Variants in MATN3 observed in about 807,000 individuals in gnomAD.
MATN3 encodes the protein matrilin-3.
In MATN3, 48 loss-of-function variants were observed where a neutral mutation model predicts 45.3. The ratio of observed to expected loss-of-function variants is 1.06; its 90% CI spans 0.84 to 1.35. The LOEUF (loss-of-function observed/expected upper bound fraction) is 1.35, where lower values mean the gene tolerates loss of function less well. Among genes scored for constraint, MATN3 ranks in the 40% most tolerant of loss-of-function variants. The pLI is 0.00. For synonymous variants in MATN3, 217 were observed against 245.9 expected, an observed-to-expected ratio of 0.88 and a Z score of 1.10; for missense variants, 599 against 628.0, an observed-to-expected ratio of 0.95 and a Z score of 0.49.
At position 20,002,123 on chromosome 2, in the gene MATN3, A is replaced by C. The variant is rs553076866; in HGVS notation, c.917-43T>G. The C allele has an allele frequency of 2.6e-6, 4 of 1,562,352 alleles. No individual in the cohort carries two copies. The South Asian group carries it at 4.6e-5, about 18-fold the overall frequency. On this transcript the variant is annotated intron_variant, in intron 3 of 7. Transcript: ENST00000407540. ...GGACAAATGTAAATGCATGCAGAGC[A>C]TGGCAGAAATAATTGTGGGCCACGC...
In MATN3 at chr2:20,006,219, A is replaced by G. The variant is rs1459380643; in HGVS notation, c.315T>C (p.Phe105=). The G allele has an allele frequency of 6.2e-7, 1 of 1,613,262 alleles. No individual in the cohort carries two copies. The highest frequency in any genetic ancestry group is 1.7e-5 in the Admixed American group (1 of 59,984). ...CCAGAGTGTCGATTATCCGGGAGACAAAAGTTTTCACTTTGGTGAATTCCA... is the reference window on the plus strand; with the variant it reads ...CCAGAGTGTCGATTATCCGGGAGACGAAAGTTTTCACTTTGGTGAATTCCA... The part of the protein sequence containing the change: ...RPLEFTKVKT[F]VSRIIDTLDI... The change falls in exon 2 of 8, where the codon TTT becomes TTC. Residue 105 remains phenylalanine, a synonymous_variant. Transcript: ENST00000407540.
intron 1 of MATN3, among the ~76,000 whole-genome samples, chr2:20,011,636 T>C (rs1214564292): frequency 6.6e-6 from 1 of 152,252 alleles, no homozygotes; most frequent in African/African-American, 2.4e-5. Flanking sequence ...CAATCTTATG[T>C]AAACCATATT....
chr2:20,001,167 A>T (rs1672978635), intron 4 of MATN3, among the ~76,000 whole-genome samples: 1 of 152,192 alleles, frequency 6.6e-6, no homozygotes, highest in African/African-American at 2.4e-5. Context: ...CCTGTACTTC[A>T]CCCTGTTTCC....
At chr2:19,997,292 C>A in intron 5 of MATN3, 33 bp from the exon 6 acceptor site, 2 of 1,564,104 alleles carry the variant, frequency 1.3e-6, no homozygotes, top group South Asian at 1.2e-5. Flanking sequence ...AGAAAATATT[C>A]ACACATTAAA....
At chr2:20,006,460 G>T (rs990659709) in intron 1 of MATN3, 150 bp from the exon 2 acceptor site, 3 of 621,432 alleles carry the variant, frequency 4.8e-6, no homozygotes, top group African/African-American at 3.7e-5. Context: ...GACCATCGGG[G>T]TGTTGAAAGC....
intron 6 of MATN3, among the ~76,000 whole-genome samples, chr2:19,996,554 A>G (rs990564346): frequency 2.0e-5 from 3 of 152,100 alleles, no homozygotes; most frequent in African/African-American, 4.8e-5. Flanking sequence ...GAGGGTGGGA[A>G]TGAGTGAGTG....
In MATN3 at chr2:20,012,576, G is replaced by C. The variant is rs998913882; in HGVS notation, c.56C>G (p.Pro19Arg). ...RLPGLLLLLW[P>R]LLLLPSAAPD... ...GGCGGCGGAGGGCAGCAGCAGCAGC[G>C]GCCAGAGCAGCAGGAGGAGTCCCGG... The change falls in exon 1 of 8, where the codon CCG becomes CGG. Residue 19 changes from proline (P) to arginine (R), a missense_variant. Physicochemically the swap from Pro to Arg is moderately radical, Grantham distance 103. Coordinates refer to ENST00000407540, the MANE Select transcript of MATN3 (RefSeq NM_002381.5). The surrounding 1 kb of genome is among the most constrained non-coding windows in gnomAD (Gnocchi z 4.3). The C allele has an allele frequency of 1.2e-5, 15 of 1,226,626 alleles. No homozygotes were observed. Among genetic ancestry groups the C allele is most frequent in the African/African-American group, 1.6e-5 (1 of 63,904 alleles). The allele number at this position is 1,226,626 out of a possible 1,614,324, so 76.0% of individuals were successfully genotyped here. A position where few individuals can be genotyped will look rare whatever the true frequency, so the allele number is the denominator to read the frequency against.
rs3731668 is a variant in MATN3, at chr2:20,005,594, G to A, written c.790+150C>T. 4.1e-3 allele frequency: 2,725 copies of A among 664,122 alleles called. 96 individuals are homozygous for A. The East Asian group carries it at 0.062, about 15-fold the overall frequency. The allele number at this position is 664,122 out of a possible 1,614,324, so 41.1% of individuals were successfully genotyped here. On this transcript the variant is annotated intron_variant, in intron 2 of 7. Transcript: ENST00000407540. ...GTTTAGGTTGGTCGCACACACGCGC[G>A]CATGCACACGTGCACACACACACAC...
chr2:19,997,339 T>C (rs1672894398), intron 5 of MATN3, 80 bp from the exon 6 acceptor site: 3 of 1,429,104 alleles, frequency 2.1e-6, no homozygotes, highest in Non-Finnish European at 1.9e-6. Context: ...AGGAGAAGCT[T>C]CCATTTGGTC....
At chr2:19,999,005 A>G (rs1415604118) in intron 5 of MATN3, among the ~76,000 whole-genome samples, 3 of 152,136 alleles carry the variant, frequency 2.0e-5, no homozygotes, top group African/African-American at 2.4e-5. Flanking sequence ...ATTAAGGTAC[A>G]TTACTGTATC....
chr2:20,004,879 T>C (rs890994859), intron 2 of MATN3, among the ~76,000 whole-genome samples: 11 of 152,172 alleles, frequency 7.2e-5, no homozygotes. Context: ...TGCTTGGATA[T>C]TCACATAGAG....
chr2:20,012,566 CAGCAGCAGCGGCCAG>C lies in MATN3; in HGVS notation c.51_65del (p.Trp18_Leu22del). On this transcript the variant is annotated inframe_deletion, in exon 1 of 8. Transcript: ENST00000407540. This position sits in a 1 kb window ranked among gnomAD's most constrained non-coding sequence, Gnocchi z 4.3. ...CGGGGTCGGGGGCGGCGGAGGGCAGCAGCAGCAGCGGCCAGAGCAGCAGGAGGAGTCCCGGGAGGC... is the reference window on the plus strand; with the variant it reads ...CGGGGTCGGGGGCGGCGGAGGGCAGCAGCAGCAGGAGGAGTCCCGGGAGGC... The C allele has an allele frequency of 8.1e-7, 1 of 1,227,052 alleles. No individual in the cohort carries two copies. Among genetic ancestry groups the C allele is most frequent in the Non-Finnish European group, 1.0e-6 (1 of 985,738 alleles). The allele number at this position is 1,227,052 out of a possible 1,614,324, so 76.0% of individuals were successfully genotyped here.
chr2:20,003,240 G>A lies in MATN3; in HGVS notation c.837C>T (p.Cys279=). The change falls in exon 3 of 8, where the codon TGC becomes TGT. Residue 279 remains cysteine, a synonymous_variant. Coordinates refer to ENST00000407540, the MANE Select transcript of MATN3 (RefSeq NM_002381.5). ...VLGTHQCQHV[C]ISDGEGKHHC... The stretch of plus-strand genomic sequence containing the variant: ...GGTGCTTGCCTTCCCCATCACTGAT[G>A]CAGACGTGCTGGCACTGGTGTGTTC... 1 of 1,613,968 alleles carries A rather than the reference G, an allele frequency of 6.2e-7. No homozygotes were observed. The highest frequency in any genetic ancestry group is 1.1e-5 in the South Asian group (1 of 91,080).
intron 1 of MATN3, among the ~76,000 whole-genome samples, chr2:20,011,736 A>G (rs1330088187): frequency 6.6e-6 from 1 of 152,222 alleles, no homozygotes; most frequent in Non-Finnish European, 1.5e-5. Context: ...ACTGATTCAC[A>G]GAGTCCCTTC....
Position 20,000,482 on chromosome 2 carries a change from T to C in MATN3, c.1127A>G (p.Tyr376Cys). 1.2e-6 allele frequency: 2 copies of C among 1,612,828 alleles called. No individual in the cohort carries two copies. Among genetic ancestry groups the C allele is most frequent in the Non-Finnish European group, 1.7e-6 (2 of 1,179,342 alleles). The change falls in exon 5 of 8, where the codon TAT (tyrosine) becomes TGT (cysteine). Residue 376 changes from tyrosine (Y) to cysteine (C), a missense_variant. Physicochemically the swap from Tyr to Cys is radical, Grantham distance 194 (BLOSUM62 -2). Transcript: ENST00000407540. ...ATCTGCATTCAGAGTGTAGCCCTCA[T>C]AGCATTCACAATGATGGGACCCTGT... Reference protein sequence around the residue: ...DRTGSHHCECYEGYTLNADKK... With the variant: ...DRTGSHHCECCEGYTLNADKK...
chr2:20,001,094 T>C (rs529598002), intron 4 of MATN3, among the ~76,000 whole-genome samples: 1 of 152,348 alleles, frequency 6.6e-6, no homozygotes, highest in East Asian at 1.9e-4. Flanking sequence ...TTTTTACTTT[T>C]AAACTTTTCA....
intron 3 of MATN3, among the ~76,000 whole-genome samples, 200 bp from the exon 4 acceptor site, chr2:20,002,280 G>A (rs1277467049): frequency 3.3e-5 from 5 of 151,964 alleles, no homozygotes; most frequent in South Asian, 2.1e-4. Context: ...TGTGACATAG[G>A]TAAGTTTTTT....
chr2:19,994,189 A>G, intron 7 of MATN3, 110 bp downstream of exon 7: 1 of 681,272 alleles, frequency 1.5e-6, no homozygotes, highest in South Asian at 1.8e-5. Context: ...TGCTCATATT[A>G]AAACCTAACA....
In MATN3 at chr2:19,994,332, C is replaced by A; in HGVS notation, c.1372G>T (p.Val458Phe). Reference protein sequence around the residue: ...CEATLAFQDKVSSYLQRLNTK... With the variant: ...CEATLAFQDKFSSYLQRLNTK... ...TTCAGTCTTTGAAGATACGAGCTGA[C>A]CTTGTCCTGGAATGCCAGTGTAGCT... The change falls in exon 7 of 8, where the codon GTC becomes TTC. Residue 458 changes from valine (V) to phenylalanine (F), a missense_variant. Coordinates refer to ENST00000407540, the MANE Select transcript of MATN3 (RefSeq NM_002381.5). 2 of 1,613,544 alleles carry A rather than the reference C, an allele frequency of 1.2e-6. No individual in the cohort carries two copies.
Sources: gnomAD v4.1 joint callset for allele counts (sites outside exome capture counted in the v4.1 genomes callset) on GRCh38, gnomAD v4.1.1 for gene constraint, Gnocchi (gnomAD v3.1) non-coding constraint, MANE v1.5 for transcripts, NCBI Gene and HGNC (gene_info 2026-07-23, HGNC 2026-07-21) for gene names.